Variants in PTPRM observed in about 807,000 individuals in gnomAD.
The protein encoded by PTPRM is protein tyrosine phosphatase receptor type M.
A neutral mutation model predicts 186.7 loss-of-function variants in PTPRM; 47 were observed. That is an observed-to-expected ratio of 0.25 (90% CI 0.20 to 0.32). The LOEUF (loss-of-function observed/expected upper bound fraction) is 0.32. Among genes scored for constraint, PTPRM ranks in the 10% least tolerant of loss-of-function variants. PTPRM has a pLI of 1.00. For missense variants in PTPRM, 1,494 were observed against 1,865.0 expected (o/e 0.80, Z 3.66); for synonymous variants, 668 against 674.9 (o/e 0.99, Z 0.16).
At position 8,069,783 on chromosome 18, in the gene PTPRM, C is replaced by T; in HGVS notation, c.1230C>T (p.Cys410=). Residue 410 remains cysteine (C), a synonymous_variant, in exon 8 of 33, where the codon TGC becomes TGT. Transcript: ENST00000580170. ...CATTTGGATATAATGTAACTCGTTG[C>T]CACAGTTATAATCTCACTGTCCACT... ...WEPFGYNVTR[C]HSYNLTVHYC... is the part of the protein sequence containing the mutation. 1 of 1,613,626 alleles carries T rather than the reference C, an allele frequency of 6.2e-7. No homozygotes were observed. The highest frequency in any genetic ancestry group is 2.2e-5 in the East Asian group (1 of 44,874).
chr18:8,209,809 A>G (rs117007281), intron 14 of PTPRM, among the ~76,000 whole-genome samples: 2,472 of 151,810 alleles, frequency 0.016, 28 homozygotes, highest in Non-Finnish European at 0.027. Context: ...AACAACACAC[A>G]CCAGGGCCTG....
At chr18:7,791,793 A>G (rs2043355532) in intron 2 of PTPRM, among the ~76,000 whole-genome samples, 1 of 152,194 alleles carries the variant, frequency 6.6e-6, no homozygotes, top group South Asian at 2.1e-4. Context: ...TCTATAAAGG[A>G]GTGCTATCTT....
intron 20 of PTPRM, among the ~76,000 whole-genome samples, chr18:8,298,552 A>G (rs1282961381): frequency 2.6e-5 from 4 of 152,218 alleles, no homozygotes; most frequent in African/African-American, 9.6e-5. Context: ...ACACTGAGAT[A>G]TATTTTTGAA....
At chr18:8,013,409 G>T (rs1034066019) in intron 7 of PTPRM, among the ~76,000 whole-genome samples, 1 of 152,168 alleles carries the variant, frequency 6.6e-6, no homozygotes, top group Non-Finnish European at 1.5e-5. Context: ...TGTATGTTAT[G>T]TGTTTCACAT....
chr18:7,605,336 C>T (rs575672301), intron 1 of PTPRM, among the ~76,000 whole-genome samples: 1 of 152,036 alleles, frequency 6.6e-6, no homozygotes, highest in African/African-American at 2.4e-5. Flanking sequence ...AAAGGCTGTG[C>T]TTATATAAAA....
At chr18:8,140,762 T>C (rs1330647000) in intron 13 of PTPRM, among the ~76,000 whole-genome samples, 1 of 152,146 alleles carries the variant, frequency 6.6e-6, no homozygotes, top group Non-Finnish European at 1.5e-5. Context: ...TGCACACTGC[T>C]GTCCTAACAG....
intron 1 of PTPRM, among the ~76,000 whole-genome samples, chr18:7,609,601 T>C (rs2037622949): frequency 6.6e-6 from 1 of 151,850 alleles, no homozygotes; most frequent in Non-Finnish European, 1.5e-5. Context: ...ATATTTACTG[T>C]CCGTGGAACT....
intron 2 of PTPRM, among the ~76,000 whole-genome samples, chr18:7,774,540 G>A (rs1003065930): frequency 1.4e-4 from 21 of 152,278 alleles, no homozygotes; most frequent in African/African-American, 5.1e-4. Context: ...CTTTTCCCAA[G>A]CAGCAAATAT....
At chr18:7,805,428 G>A (rs1020841607) in intron 2 of PTPRM, among the ~76,000 whole-genome samples, 12 of 152,260 alleles carry the variant, frequency 7.9e-5, no homozygotes, top group Admixed American at 6.5e-4. Context: ...AACCTGCTGT[G>A]CTTCTGTTTA....
At chr18:7,626,672 T>C (rs1409698457) in intron 1 of PTPRM, among the ~76,000 whole-genome samples, 3 of 152,122 alleles carry the variant, frequency 2.0e-5, no homozygotes, top group Non-Finnish European at 4.4e-5. Flanking sequence ...TTGCTGCAGA[T>C]TGTACACTGG....
chr18:7,606,910 A>AT, intron 1 of PTPRM, among the ~76,000 whole-genome samples: 1 of 152,064 alleles, frequency 6.6e-6, no homozygotes, highest in South Asian at 2.1e-4. Context: ...TTGGCCATGG[A>AT]TTTTCTACCT....
At chr18:7,983,352 C>A (rs922892209) in intron 7 of PTPRM, among the ~76,000 whole-genome samples, 1 of 152,074 alleles carries the variant, frequency 6.6e-6, no homozygotes, top group Admixed American at 6.6e-5. Flanking sequence ...AGCTATCCCC[C>A]CAACCTGGTT....
intron 14 of PTPRM, among the ~76,000 whole-genome samples, chr18:8,218,247 G>T (rs1440957678): frequency 6.6e-6 from 1 of 152,100 alleles, no homozygotes; most frequent in African/African-American, 2.4e-5. Flanking sequence ...TATTAATTAC[G>T]CTTTTAACTA....
At chr18:8,025,967 G>T (rs894447668) in intron 7 of PTPRM, among the ~76,000 whole-genome samples, 2 of 152,166 alleles carry the variant, frequency 1.3e-5, no homozygotes, top group Non-Finnish European at 2.9e-5. Flanking sequence ...TGCTTTTTCA[G>T]TGAATGTGTG....
intron 7 of PTPRM, among the ~76,000 whole-genome samples, chr18:8,053,584 A>T (rs557908150): frequency 7.9e-5 from 12 of 152,150 alleles, no homozygotes; most frequent in Non-Finnish European, 1.6e-4. Flanking sequence ...TTGGCATCTG[A>T]TAGAACAAAT....
In PTPRM at chr18:8,116,295, G is replaced by A. The variant is rs112378515; in HGVS notation, c.2167+1468G>A. Among the ~76,000 whole-genome samples, 11 of 152,162 alleles carry A rather than the reference G, an allele frequency of 7.2e-5. No homozygotes were observed. The East Asian group carries it at 1.9e-3, about 27-fold the overall frequency. ...GGGCCCCTAGTTTATAATGCTTAAC[G>A]TTTAACGTCACAGCTGAAAGTTTTG... is the stretch of plus-strand genomic sequence containing the variant. On this transcript the variant is annotated intron_variant, in intron 13 of 32. Transcript: ENST00000580170.
At chr18:8,118,359 C>A (rs1186927700) in intron 13 of PTPRM, among the ~76,000 whole-genome samples, 1 of 152,070 alleles carries the variant, frequency 6.6e-6, no homozygotes, top group African/African-American at 2.4e-5. Flanking sequence ...ATATGGGGAG[C>A]AGTCATATAT....
At chr18:7,944,225 GATACGACCCTGGACCTT>G (rs1235411429) in intron 5 of PTPRM, among the ~76,000 whole-genome samples, 1 of 152,112 alleles carries the variant, frequency 6.6e-6, no homozygotes, top group Non-Finnish European at 1.5e-5. Context: ...AAATGAGTAA[GATACGACCCTGGACCTT>G]ATGGACTGCT....
intron 17 of PTPRM, among the ~76,000 whole-genome samples, chr18:8,250,425 T>G (rs1275415098): frequency 2.6e-5 from 4 of 152,048 alleles, no homozygotes; most frequent in Non-Finnish European, 5.9e-5. Flanking sequence ...ATCAAAACTA[T>G]TAGTGAGAAG....
Sources: allele counts gnomAD v4.1 joint callset (sites outside exome capture counted in the v4.1 genomes callset), GRCh38; gene constraint gnomAD v4.1.1; transcripts MANE v1.5; gene names NCBI Gene and HGNC (gene_info 2026-07-23, HGNC 2026-07-21).